Variants in VWDE observed in about 807,000 individuals in gnomAD.
VWDE encodes von Willebrand factor D and EGF domain-containing protein.
In VWDE, 207 loss-of-function variants were observed where a neutral mutation model predicts 178.4. The observed-to-expected ratio is 1.16, with a 90% CI of 1.04 to 1.30. The LOEUF is 1.30. Among genes scored for constraint, VWDE ranks in the 50% most tolerant of loss-of-function variants. VWDE has a pLI of 0.00. For synonymous variants in VWDE, 738 were observed against 651.4 expected (o/e 1.13, Z -2.02); for missense variants, 2,287 against 1,901.3 (o/e 1.20, Z -3.77).
rs1389431872 is a variant in VWDE, at chr7:12,380,648, C to T, written c.627G>A (p.Arg209=). ...TTGTAGCGGGAACATCAAAAGAACA[C>T]CTACAGAAAAGCCTGGACTCAATCA... ...VELIESRLFC[R]CSFDVPATKN... The change falls in exon 5 of 29, where the codon AGG becomes AGA. Residue 209 remains arginine, a synonymous_variant. Coordinates refer to ENST00000275358, the MANE Select transcript of VWDE (RefSeq NM_001135924.3). 12 of 1,552,066 alleles carry T rather than the reference C, an allele frequency of 7.7e-6. No homozygotes were observed. The highest frequency in any genetic ancestry group is 1.4e-5 in the African/African-American group (1 of 73,016).
At chr7:12,350,183 A>G (rs1238754575) in intron 19 of VWDE, among the ~76,000 whole-genome samples, 3 of 152,078 alleles carry the variant, frequency 2.0e-5, no homozygotes, top group African/African-American at 7.2e-5. Context: ...AAAAATTTAA[A>G]TGAAATACTA....
chr7:12,351,199 C>G (rs1304166781), intron 19 of VWDE, among the ~76,000 whole-genome samples: 1 of 152,102 alleles, frequency 6.6e-6, no homozygotes, highest in Non-Finnish European at 1.5e-5. Context: ...ATTAAGAAAG[C>G]ACTATGACAC....
chr7:12,351,594 G>A lies in VWDE; in HGVS notation c.3865C>T (p.Pro1289Ser), dbSNP rs1781945495. The change falls in exon 19 of 29, where the codon CCA (proline) becomes TCA (serine). Residue 1289 changes from proline to serine, a missense_variant. Pro to Ser is a moderately conservative substitution (Grantham distance 74, BLOSUM62 -1). Transcript: ENST00000275358. ...NAQGRKRHVK[P>S]TSGNAFTICK... is the part of the protein sequence containing the mutation. The stretch of plus-strand genomic sequence containing the variant: ...TTACTGAAGGCATTTCCACTTGTTG[G>A]CTTAACATGCCTCTTTCTCCCTTGG... 1 of 1,548,958 alleles carries A rather than the reference G, an allele frequency of 6.5e-7. No homozygotes were observed. The highest frequency in any genetic ancestry group is 2.0e-5 in the Admixed American group (1 of 50,684).
In VWDE at chr7:12,356,392, C is replaced by T. The variant is rs1782256247; in HGVS notation, c.3526-62G>A. The stretch of plus-strand genomic sequence containing the variant: ...AATAAAATTATCTTCAGTTTATGCC[C>T]CAGAAATCATGACAGTCATGTATGT... On this transcript the variant is annotated intron_variant, in intron 17 of 28. Transcript: ENST00000275358. 4 of 1,382,416 alleles carry T rather than the reference C, an allele frequency of 2.9e-6. 1 individual carries two copies. The highest frequency in any genetic ancestry group is 4.0e-6 in the Non-Finnish European group (4 of 1,004,314). The allele number at this position is 1,382,416 out of a possible 1,614,324, so 85.6% of individuals were successfully genotyped here.
Position 12,373,093 on chromosome 7 carries a change from T to C in VWDE, c.1471A>G (p.Thr491Ala). Residue 491 changes from threonine to alanine, a missense_variant, in exon 10 of 29, where the codon ACT (threonine) becomes GCT (alanine). Thr to Ala is a moderately conservative substitution (Grantham distance 58). Transcript: ENST00000275358. The part of the protein sequence containing the change: ...FVAQEGGDIV[T>A]FDMCNGQLRE... ...AGCTGACCATTGCACATATCAAAAGTAACTATATCACCTCCTTCCTGGGCA... is the reference window on the plus strand; with the variant it reads ...AGCTGACCATTGCACATATCAAAAGCAACTATATCACCTCCTTCCTGGGCA... The C allele has an allele frequency of 1.3e-6, 2 of 1,551,316 alleles. No homozygotes were observed. Among genetic ancestry groups the C allele is most frequent in the Non-Finnish European group, 1.7e-6 (2 of 1,146,772 alleles).
intron 27 of VWDE, among the ~76,000 whole-genome samples, chr7:12,335,275 C>CT (rs910421841): frequency 2.7e-4 from 41 of 152,012 alleles, no homozygotes; most frequent in African/African-American, 9.9e-4. Flanking sequence ...ATTTTAACAT[C>CT]TTTTTTCAAG....
intron 28 of VWDE, among the ~76,000 whole-genome samples, chr7:12,331,560 T>C (rs1331360538): frequency 1.3e-5 from 2 of 152,168 alleles, no homozygotes; most frequent in African/African-American, 4.8e-5. Flanking sequence ...ATCCTTTTCT[T>C]TCTCCACCTC....
In VWDE at chr7:12,361,440, G is replaced by T; in HGVS notation, c.2980C>A (p.Leu994Met). 1.9e-6 allele frequency: 3 copies of T among 1,551,232 alleles called. No homozygotes were observed. The highest frequency in any genetic ancestry group is 2.6e-6 in the Non-Finnish European group (3 of 1,146,682). ...TCAAACTGCTGAACATCAGTGGGCA[G>T]CTGACAATCAACAGCTCTGCTATTG... The part of the protein sequence containing the change: ...FHNSRAVDCQ[L>M]PTDVQQFDTM... The change falls in exon 14 of 29, where the codon CTG becomes ATG. Residue 994 changes from leucine to methionine, a missense_variant. By Grantham distance (15) the Leu-to-Met change is conservative. Transcript: ENST00000275358.
intron 24 of VWDE, among the ~76,000 whole-genome samples, chr7:12,339,913 A>G (rs1057268441): frequency 6.6e-6 from 1 of 152,148 alleles, no homozygotes; most frequent in African/African-American, 2.4e-5. Flanking sequence ...GTGATTCTTC[A>G]TAAATGTTTA....
In VWDE at chr7:12,403,736, G is replaced by A. The variant is rs1413778712; in HGVS notation, c.-20C>T. 2.3e-5 allele frequency: 35 copies of A among 1,550,292 alleles called. No individual in the cohort carries two copies. Among genetic ancestry groups the A allele is most frequent in the Non-Finnish European group, 3.0e-5 (34 of 1,146,306 alleles). ...AGGCATCGCTGCTTCCGCAGGTGGG[G>A]CGAAAGGCGTCGCAGAGCCCGGGCC... On this transcript the variant is annotated 5_prime_UTR_variant, in exon 1 of 29. Coordinates refer to ENST00000275358, the MANE Select transcript of VWDE (RefSeq NM_001135924.3).
In VWDE at chr7:12,380,312, A is replaced by T. The variant is rs1182550169; in HGVS notation, c.789+174T>A. Among the ~76,000 whole-genome samples the T allele has an allele frequency of 2.0e-5, 3 of 151,084 alleles. No individual in the cohort carries two copies. In the East Asian group the frequency reaches 5.8e-4, roughly 29 times the overall value. ...TCATATATAGTCACTAAGATCACTG[A>T]CTCCTCCAGTTATCACGAGAATTAG... On this transcript the variant is annotated intron_variant, in intron 5 of 28. Transcript: ENST00000275358.
At chr7:12,348,502 A>C (rs1014091621) in intron 19 of VWDE, among the ~76,000 whole-genome samples, 5 of 150,724 alleles carry the variant, frequency 3.3e-5, no homozygotes, top group African/African-American at 4.9e-5. Flanking sequence ...CCATCAGAGA[A>C]ATGCAAATCA....
At chr7:12,400,585 C>A (rs1784851462) in intron 1 of VWDE, among the ~76,000 whole-genome samples, 1 of 151,976 alleles carries the variant, frequency 6.6e-6, no homozygotes, top group East Asian at 1.9e-4. Context: ...AAAGACCTGG[C>A]CCAGATGGCA....
chr7:12,367,271 T>A, intron 13 of VWDE, 86 bp downstream of exon 13: 1 of 1,106,480 alleles, frequency 9.0e-7, no homozygotes. Context: ...TTTATGTTGC[T>A]AATTGATAGA....
At position 12,344,183 on chromosome 7, in the gene VWDE, T is replaced by G. The variant is rs766776185; in HGVS notation, c.4078+12A>C. ...TTAGGCCTTATATTTGATTTTTAAT[T>G]TGAATTATCACCTTCATCACAGGTT... On this transcript the variant is annotated intron_variant, in intron 21 of 28. Transcript: ENST00000275358. 2 of 1,548,942 alleles carry G rather than the reference T, an allele frequency of 1.3e-6. No individual in the cohort carries two copies. The highest frequency in any genetic ancestry group is 2.0e-5 in the Admixed American group (1 of 50,764).
At chr7:12,382,851 C>T (rs1473453976) in intron 4 of VWDE, among the ~76,000 whole-genome samples, 1 of 151,402 alleles carries the variant, frequency 6.6e-6, no homozygotes, top group Admixed American at 6.6e-5. Flanking sequence ...TATTTTAAGG[C>T]ATATTATAGT....
Position 12,359,570 on chromosome 7 carries a change from T to C in VWDE, c.3274+8A>G. 6.6e-7 allele frequency: 1 copy of C among 1,504,120 alleles called. No homozygotes were observed. The highest frequency in any genetic ancestry group is 2.5e-5 in the East Asian group (1 of 40,546). 93.2% of individuals were successfully genotyped at this position (1,504,120 alleles called of 1,614,324 possible). A position where few individuals can be genotyped will look rare whatever the true frequency, so the allele number is the denominator to read the frequency against. On this transcript the variant is annotated splice_region_variant and intron_variant, in intron 16 of 28. Coordinates refer to ENST00000275358, the MANE Select transcript of VWDE (RefSeq NM_001135924.3). The stretch of plus-strand genomic sequence containing the variant: ...AGGAAATATTTGGATTAATAAAGAG[T>C]AACTTACTTTCTAAAAATGACCAAG...
intron 6 of VWDE, 66 bp downstream of exon 6, chr7:12,379,411 G>T: frequency 1.8e-6 from 2 of 1,128,282 alleles, no homozygotes; most frequent in South Asian, 1.5e-5. Context: ...AGCATGGACA[G>T]ATCACAGTTT....
At chr7:12,378,464 A>G (rs1169355888) in intron 6 of VWDE, among the ~76,000 whole-genome samples, 1 of 152,168 alleles carries the variant, frequency 6.6e-6, no homozygotes, top group Non-Finnish European at 1.5e-5. Context: ...GACTGGCCCT[A>G]TCTTCATTCA....
Sources: gnomAD v4.1 joint callset for allele counts (sites outside exome capture counted in the v4.1 genomes callset) on GRCh38, gnomAD v4.1.1 for gene constraint, MANE v1.5 for transcripts, NCBI Gene and HGNC (gene_info 2026-07-23, HGNC 2026-07-21) for gene names.